The following ANKH variants were observed in gnomAD, a reference collection of about 807,000 sequenced individuals.
ANKH encodes the protein mineralization regulator ANKH.
Under a neutral mutation model 49.0 loss-of-function variants are expected in ANKH, and 15 were observed. That is an observed-to-expected ratio of 0.31 (90% CI 0.20 to 0.47). The LOEUF (loss-of-function observed/expected upper bound fraction) is 0.47, where lower values mean the gene tolerates loss of function less well. Among genes scored for constraint, ANKH ranks in the 20% least tolerant of loss-of-function variants. The pLI is 1.00. For synonymous variants in ANKH, 273 were observed against 260.0 expected, an observed-to-expected ratio of 1.05 and a Z score of -0.48; for missense variants, 429 against 652.0, an observed-to-expected ratio of 0.66 and a Z score of 3.72.
At chr5:14,822,616 AATGTT>A (rs1267403750) in intron 1 of ANKH, among the ~76,000 whole-genome samples, 1 of 152,240 alleles carries the variant, frequency 6.6e-6, no homozygotes, top group Admixed American at 6.5e-5. Flanking sequence ...ATTCAGAAGC[AATGTT>A]AACCACAATA....
In ANKH at chr5:14,705,381, A is replaced by C. The variant is rs1003600134; in HGVS notation, c.*5816T>G. On this transcript the variant is annotated 3_prime_UTR_variant, in exon 12 of 12. Transcript: ENST00000284268. ...ATTGTAGGATCTCATACGACGTTCT[A>C]AATCCTAGATCATAAACAGAATGTT... 1 of 152,236 alleles carries C rather than the reference A, an allele frequency of 6.6e-6. No individual in the cohort carries two copies. Among genetic ancestry groups the C allele is most frequent in the Non-Finnish European group, 1.5e-5 (1 of 68,040 alleles). The allele number at this position is 152,236 out of a possible 1,614,324, so 9.4% of individuals were successfully genotyped here.
chr5:14,869,427 CTA>C (rs1466460791), intron 1 of ANKH: 1 of 152,218 alleles, frequency 6.6e-6, no homozygotes, highest in Non-Finnish European at 1.5e-5. Flanking sequence ...TCCAGGCAGC[CTA>C]TAACCTCATA....
intron 1 of ANKH, among the ~76,000 whole-genome samples, chr5:14,848,885 T>TTAAA (rs1403351119): frequency 6.6e-6 from 1 of 152,210 alleles, no homozygotes; most frequent in Non-Finnish European, 1.5e-5. Context: ...GACCCACCGG[T>TTAAA]AACAGCAATG....
At chr5:14,853,018 G>A (rs1018185637) in intron 1 of ANKH, among the ~76,000 whole-genome samples, 1 of 152,166 alleles carries the variant, frequency 6.6e-6, no homozygotes, top group South Asian at 2.1e-4. Context: ...TCATCGGTGA[G>A]TTTTCAGATA....
chr5:14,810,662 G>A (rs766473466), intron 1 of ANKH, among the ~76,000 whole-genome samples: 2 of 152,118 alleles, frequency 1.3e-5, no homozygotes, highest in Non-Finnish European at 2.9e-5. Context: ...GGAATCTCTT[G>A]CAGCATTAAG....
intron 3 of ANKH, 42 bp downstream of exon 3, chr5:14,758,438 G>A: frequency 1.4e-6 from 2 of 1,473,874 alleles, no homozygotes; most frequent in Middle Eastern, 1.7e-4. Flanking sequence ...TTTACCACCA[G>A]TTAAAGAAAA....
chr5:14,811,812 G>A (rs1167501731), intron 1 of ANKH, among the ~76,000 whole-genome samples: 4 of 152,130 alleles, frequency 2.6e-5, no homozygotes, highest in African/African-American at 9.7e-5. Flanking sequence ...AATTAGCCAT[G>A]GGGGCAAGGA....
chr5:14,820,294 A>G (rs1207786890), intron 1 of ANKH, among the ~76,000 whole-genome samples: 1 of 152,234 alleles, frequency 6.6e-6, no homozygotes. Context: ...ACCATTTTAC[A>G]ATAAAATTGT....
chr5:14,726,413 A>G (rs1463676219), intron 8 of ANKH, among the ~76,000 whole-genome samples: 1 of 151,982 alleles, frequency 6.6e-6, no homozygotes, highest in East Asian at 1.9e-4. Context: ...GGTGGAGGAG[A>G]GGCAGGGCAA....
rs552736372 is a variant in ANKH at position 14,858,369 on chromosome 5, C to T, written c.96+12983G>A. Among the ~76,000 whole-genome samples the T allele has an allele frequency of 2.6e-5, 4 of 152,208 alleles. No homozygotes were observed. The East Asian group carries it at 5.8e-4, about 22-fold the overall frequency. ...CAAATTTTAGATGAATATTTAAAAT[C>T]AAGAAAAATTGCCTACGATAAAAAG... On this transcript the variant is annotated intron_variant, in intron 1 of 11. Transcript: ENST00000284268.
At chr5:14,795,120 G>A (rs1740332944) in intron 1 of ANKH, among the ~76,000 whole-genome samples, 1 of 152,152 alleles carries the variant, frequency 6.6e-6, no homozygotes, top group South Asian at 2.1e-4. Context: ...CTTTTCAGAA[G>A]CTGATCCTTC....
At chr5:14,794,697 G>C (rs1391172016) in intron 1 of ANKH, among the ~76,000 whole-genome samples, 1 of 152,264 alleles carries the variant, frequency 6.6e-6, no homozygotes, top group East Asian at 1.9e-4. Flanking sequence ...TTCAGAAGCA[G>C]ATGAGAGAGC....
At chr5:14,728,205 C>G (rs1737881358) in intron 8 of ANKH, among the ~76,000 whole-genome samples, 1 of 152,256 alleles carries the variant, frequency 6.6e-6, no homozygotes, top group African/African-American at 2.4e-5. Context: ...TCTTCATACA[C>G]TCCCCAGATA....
At chr5:14,824,142 G>A (rs974051974) in intron 1 of ANKH, among the ~76,000 whole-genome samples, 4 of 151,996 alleles carry the variant, frequency 2.6e-5, no homozygotes, top group African/African-American at 9.7e-5. Flanking sequence ...TCTGTTCCCA[G>A]CAGGGCCATC....
intron 1 of ANKH, among the ~76,000 whole-genome samples, chr5:14,794,973 G>C (rs1171007165): frequency 6.6e-6 from 1 of 152,248 alleles, no homozygotes; most frequent in Non-Finnish European, 1.5e-5. Flanking sequence ...ATGGAAGTAG[G>C]AGGAGGTGGT....
intron 1 of ANKH, among the ~76,000 whole-genome samples, chr5:14,803,450 T>G (rs1186423526): frequency 6.6e-6 from 1 of 152,060 alleles, no homozygotes; most frequent in Non-Finnish European, 1.5e-5. Flanking sequence ...CAACTAATTT[T>G]TGTGTTTTTG....
rs114561129 is a variant in ANKH, at chr5:14,712,637, C to T, written c.1365+237G>A. ...TGAAATCCATGTCCACACCTCTCTC[C>T]CCTTTGGCGCAAAACTCTTCAAAGG... On this transcript the variant is annotated intron_variant, in intron 11 of 11. Transcript: ENST00000284268. Among the ~76,000 whole-genome samples the T allele has an allele frequency of 7.8e-3, 1,195 of 152,362 alleles. 19 individuals are homozygous for T. Among genetic ancestry groups the T allele is most frequent in the African/African-American group, 0.027 (1,140 of 41,584 alleles).
intron 1 of ANKH, among the ~76,000 whole-genome samples, chr5:14,773,688 A>G (rs533997910): frequency 1.3e-5 from 2 of 152,306 alleles, no homozygotes; most frequent in East Asian, 3.9e-4. Context: ...CTGATTTGAG[A>G]AGCAAGGTAG....
At position 14,745,785 on chromosome 5, in the gene ANKH, C is replaced by A; in HGVS notation, c.915+85G>T. 1.7e-6 allele frequency: 2 copies of A among 1,192,358 alleles called. No individual in the cohort carries two copies. The highest frequency in any genetic ancestry group is 2.5e-6 in the Non-Finnish European group (2 of 800,144). 73.9% of individuals were successfully genotyped at this position (1,192,358 alleles called of 1,614,324 possible). A position where few individuals can be genotyped will look rare whatever the true frequency, so the allele number is the denominator to read the frequency against. Reference sequence around the variant, plus strand: ...AAAGGGAAGCAGGACTGAGAAGCAACAAAGTGTCCCTCATCAGAGAGCCCT... The same window carrying A: ...AAAGGGAAGCAGGACTGAGAAGCAAAAAAGTGTCCCTCATCAGAGAGCCCT... On this transcript the variant is annotated intron_variant, in intron 7 of 11. Coordinates refer to ENST00000284268, the MANE Select transcript of ANKH (RefSeq NM_054027.6). The surrounding 1 kb of genome is among the most constrained non-coding windows in gnomAD (Gnocchi z 4.7).
Sources: gnomAD v4.1 joint callset for allele counts (sites outside exome capture counted in the v4.1 genomes callset) on GRCh38, gnomAD v4.1.1 for gene constraint, Gnocchi (gnomAD v3.1) non-coding constraint, MANE v1.5 for transcripts, NCBI Gene and HGNC (gene_info 2026-07-23, HGNC 2026-07-21) for gene names.